PSME4: variants seen among roughly 807,000 people sequenced by gnomAD.
The protein encoded by PSME4 is proteasome activator subunit 4, also known as proteasome activator complex subunit 4.
A neutral mutation model predicts 253.9 loss-of-function variants in PSME4; 89 were observed. The observed-to-expected ratio is 0.35, with a 90% confidence interval of 0.30 to 0.42. The LOEUF (loss-of-function observed/expected upper bound fraction) is 0.42, where lower values mean the gene tolerates loss of function less well. PSME4 is among the 10% of genes least tolerant of loss of function. PSME4 has a pLI of 1.00. For missense variants in PSME4, 2,014 were observed against 2,195.2 expected (o/e 0.92, Z 1.65); for synonymous variants, 851 against 759.2 (o/e 1.12, Z -1.99).
Position 53,939,991 on chromosome 2 carries a change from T to C in PSME4, c.510A>G (p.Glu170=). The part of the protein sequence containing the change: ...LGLNWFPNSV[E]NILKTLVKSC... The stretch of plus-strand genomic sequence containing the variant: ...TTTTCACGAGTGTTTTGAGAATATT[T>C]TCTACAGAACTGGGGGGGGAAAGCC... The change falls in exon 4 of 47, where the codon GAA becomes GAG. Residue 170 remains glutamate, a synonymous_variant. Coordinates refer to ENST00000404125, the MANE Select transcript of PSME4 (RefSeq NM_014614.3). 6.3e-7 allele frequency: 1 copy of C among 1,592,212 alleles called. No individual in the cohort carries two copies. Among genetic ancestry groups the C allele is most frequent in the Non-Finnish European group, 8.6e-7 (1 of 1,163,700 alleles).
intron 28 of PSME4, among the ~76,000 whole-genome samples, chr2:53,900,709 G>A (rs1265844283): frequency 6.6e-6 from 1 of 152,040 alleles, no homozygotes; most frequent in African/African-American, 2.4e-5. Flanking sequence ...AATGACAGTC[G>A]CAAATAGCAA....
rs1323938974 is a variant in PSME4, at chr2:53,934,685, T to A, written c.877A>T (p.Ser293Cys). Residue 293 changes from serine to cysteine, a missense_variant, in exon 8 of 47, where the codon AGC becomes TGC. By Grantham distance (112) the Ser-to-Cys change is moderately radical. Coordinates refer to ENST00000404125, the MANE Select transcript of PSME4 (RefSeq NM_014614.3). ...ILRSLNLPVGSSQVLVPRFLT... is the reference protein window; with the variant it reads ...ILRSLNLPVGCSQVLVPRFLT... ...AATCTTGGGACTAACACTTGACTGC[T>A]TCCCACTGGGAGGTTCAAGCTTCTC... 6.2e-7 allele frequency: 1 copy of A among 1,605,776 alleles called. No homozygotes were observed. The highest frequency in any genetic ancestry group is 2.2e-5 in the East Asian group (1 of 44,814).
In PSME4 at chr2:53,919,360, T is replaced by C. The variant is rs1211027904; in HGVS notation, c.2421-114A>G. ...GATATAAATGATTAAGGTAAAGAAA[T>C]AGCAAATGTCTTCAGTTTACCAACT... On this transcript the variant is annotated intron_variant, in intron 19 of 46. Coordinates refer to ENST00000404125, the MANE Select transcript of PSME4 (RefSeq NM_014614.3). 7.5e-6 allele frequency: 10 copies of C among 1,327,970 alleles called. No homozygotes were observed. In the Admixed American group the frequency reaches 2.1e-4, roughly 28 times the overall value. 82.3% of individuals were successfully genotyped at this position (1,327,970 alleles called of 1,614,324 possible). A position where few individuals can be genotyped will look rare whatever the true frequency, so the allele number is the denominator to read the frequency against.
At chr2:53,893,330 A>T (rs1204269337) in intron 35 of PSME4, among the ~76,000 whole-genome samples, 1 of 152,068 alleles carries the variant, frequency 6.6e-6, no homozygotes, top group African/African-American at 2.4e-5. Flanking sequence ...CAAGATCCCC[A>T]CCCCAAAATA....
chr2:53,970,596 C>G lies in PSME4; in HGVS notation c.189G>C (p.Val63=). The change falls in exon 1 of 47, where the codon GTG becomes GTC. Residue 63 remains valine, a synonymous_variant. Transcript: ENST00000404125. ...AQIKCNLGRA[V]QLQELWPGGL... ...CCCCGGGCCACAGCTCTTGGAGCTG[C>G]ACGGCCCGGCCCAGGTTGCATTTGA... 1 of 1,549,364 alleles carries G rather than the reference C, an allele frequency of 6.5e-7. No individual in the cohort carries two copies. Among genetic ancestry groups the G allele is most frequent in the Non-Finnish European group, 8.7e-7 (1 of 1,146,932 alleles).
chr2:53,903,982 T>C, intron 27 of PSME4, 43 bp downstream of exon 27: 2 of 1,506,058 alleles, frequency 1.3e-6, no homozygotes, highest in Non-Finnish European at 1.8e-6. Flanking sequence ...CTTTTCAGTA[T>C]GTTTGAAAAT....
intron 1 of PSME4, among the ~76,000 whole-genome samples, chr2:53,954,478 T>A (rs1008021853): frequency 1.2e-4 from 18 of 152,186 alleles, no homozygotes; most frequent in Admixed American, 5.2e-4. Flanking sequence ...TCATCTCTAT[T>A]ATACATATTT....
intron 17 of PSME4, 24 bp downstream of exon 17, chr2:53,922,493 T>C: frequency 3.7e-6 from 6 of 1,607,756 alleles, no homozygotes; most frequent in Non-Finnish European, 5.1e-6. Context: ...CAGTCATGTT[T>C]CTTATTCCAA....
At chr2:53,949,778 T>C (rs568997336) in intron 1 of PSME4, among the ~76,000 whole-genome samples, 13 of 152,224 alleles carry the variant, frequency 8.5e-5, no homozygotes, top group African/African-American at 2.6e-4. Flanking sequence ...TTCAGTCAAG[T>C]AAAATAAAAG....
At chr2:53,885,567 T>G (rs1231569800) in intron 41 of PSME4, 123 bp downstream of exon 41, 1 of 626,088 alleles carries the variant, frequency 1.6e-6, no homozygotes, top group Non-Finnish European at 2.8e-6. Flanking sequence ...CTGTGACCAT[T>G]CTACTTTTCA....
intron 20 of PSME4, among the ~76,000 whole-genome samples, chr2:53,917,682 T>C (rs11886024): frequency 0.13 from 19,775 of 152,150 alleles, 2,277 homozygotes; most frequent in African/African-American, 0.31. Flanking sequence ...CAGAACTCAA[T>C]TTGCTGATGT....
chr2:53,938,550 T>C (rs1268958630), intron 4 of PSME4, among the ~76,000 whole-genome samples: 1 of 151,074 alleles, frequency 6.6e-6, no homozygotes, highest in Non-Finnish European at 1.5e-5. Context: ...ACTGAAGTGA[T>C]CCTCCCACCT....
chr2:53,903,588 C>G (rs1680511374), intron 27 of PSME4, among the ~76,000 whole-genome samples: 1 of 152,092 alleles, frequency 6.6e-6, no homozygotes, highest in African/African-American at 2.4e-5. Context: ...TTCTTCCTTC[C>G]TGTCTTAAGC....
intron 45 of PSME4, 22 bp from the exon 46 acceptor site, chr2:53,866,245 T>C: frequency 6.2e-7 from 1 of 1,612,850 alleles, no homozygotes; most frequent in South Asian, 1.1e-5. Flanking sequence ...ACAACCCACA[T>C]ACGTTTTAAC....
At chr2:53,901,887 T>A (rs1056010673) in intron 27 of PSME4, among the ~76,000 whole-genome samples, 8 of 152,210 alleles carry the variant, frequency 5.3e-5, no homozygotes, top group African/African-American at 1.9e-4. Context: ...GGCAACATGG[T>A]GAAACCTCTT....
chr2:53,876,896 A>T (rs1201218007), intron 41 of PSME4, among the ~76,000 whole-genome samples: 2 of 150,302 alleles, frequency 1.3e-5, no homozygotes, highest in Non-Finnish European at 1.5e-5. Context: ...TTTTTTTTTA[A>T]ATGTATGGTA....
chr2:53,881,217 AAT>A (rs1301861496), intron 41 of PSME4, among the ~76,000 whole-genome samples: 3 of 152,340 alleles, frequency 2.0e-5, no homozygotes, highest in African/African-American at 7.2e-5. Context: ...TATTGAAAAA[AAT>A]AGTTTTTCTA....
chr2:53,892,376 C>G (rs916426756), intron 36 of PSME4, among the ~76,000 whole-genome samples: 1 of 151,986 alleles, frequency 6.6e-6, no homozygotes, highest in Non-Finnish European at 1.5e-5. Context: ...GAGTCAAACT[C>G]CAACTGTCTA....
chr2:53,903,330 A>T (rs906277775), intron 27 of PSME4, among the ~76,000 whole-genome samples: 3 of 152,096 alleles, frequency 2.0e-5, no homozygotes, highest in Admixed American at 6.5e-5. Context: ...GTACGATCCA[A>T]AAGCTTAGTA....
Sources: gnomAD v4.1 joint callset for allele counts (sites outside exome capture counted in the v4.1 genomes callset) on GRCh38, gnomAD v4.1.1 for gene constraint, MANE v1.5 for transcripts, NCBI Gene and HGNC (gene_info 2026-07-23, HGNC 2026-07-21) for gene names.